The following XKR6 variants were observed in gnomAD, a reference collection of about 807,000 sequenced individuals.
XKR6 encodes XK-related protein 6.
XKR6 carries 22 observed loss-of-function variants against 56.7 expected under a neutral mutation model. That is an observed-to-expected ratio of 0.39 (90% CI 0.28 to 0.55). The LOEUF (loss-of-function observed/expected upper bound fraction) is 0.55, where lower values mean the gene tolerates loss of function less well. Ranked by LOEUF, XKR6 falls within the 20% of genes least tolerant of loss-of-function variation. The pLI is 0.66. For synonymous variants in XKR6, 524 were observed against 387.8 expected (o/e 1.35, Z -4.13); for missense variants, 852 against 889.0 (o/e 0.96, Z 0.53).
intron 1 of XKR6, among the ~76,000 whole-genome samples, chr8:11,050,708 G>C (rs1799525257): frequency 6.6e-6 from 1 of 152,134 alleles, no homozygotes; most frequent in South Asian, 2.1e-4. Context: ...GTTTGGTAGA[G>C]AAGGGCTTCC....
chr8:10,933,171 G>GT (rs1370372806), intron 1 of XKR6, among the ~76,000 whole-genome samples: 1 of 132,304 alleles, frequency 7.6e-6, no homozygotes, highest in Non-Finnish European at 1.6e-5. Flanking sequence ...TTTTTCATGT[G>GT]TTTTTTGGCT....
intron 1 of XKR6, among the ~76,000 whole-genome samples, chr8:10,954,551 T>C (rs150387961): frequency 3.3e-5 from 5 of 152,370 alleles, no homozygotes; most frequent in Admixed American, 6.5e-5. Flanking sequence ...TTATTCTGGA[T>C]ACAAGTCCTT....
chr8:11,014,792 C>T (rs1176170591), intron 1 of XKR6, among the ~76,000 whole-genome samples: 1 of 152,054 alleles, frequency 6.6e-6, no homozygotes, highest in Non-Finnish European at 1.5e-5. Flanking sequence ...CTCAGCATCC[C>T]GCAACATACC....
intron 1 of XKR6, among the ~76,000 whole-genome samples, chr8:10,989,404 C>T (rs994318225): frequency 6.6e-6 from 1 of 152,054 alleles, no homozygotes; most frequent in South Asian, 2.1e-4. Context: ...TTAACTAGCC[C>T]GAAATCACAA....
Position 10,946,909 on chromosome 8 carries a change from G to A in XKR6, c.765-22079C>T, listed in dbSNP as rs1801567473. On this transcript the variant is annotated intron_variant, in intron 1 of 2. Transcript: ENST00000416569. ...GGGGGAGAGTTCACCAAGCAGCTAA[G>A]GGAAAGAGGGTGCTCCAGGTAGACA... 1.3e-5 allele frequency among the ~76,000 whole-genome samples: 2 copies of A among 152,154 alleles called. 1 individual carries two copies. The highest frequency in any genetic ancestry group is 4.1e-4 in the South Asian group (2 of 4,826).
chr8:10,942,378 G>T (rs1486233020), intron 1 of XKR6, among the ~76,000 whole-genome samples: 3 of 152,322 alleles, frequency 2.0e-5, no homozygotes, highest in Non-Finnish European at 1.5e-5. Context: ...TGGACACACA[G>T]TCACATCCGC....
intron 1 of XKR6, among the ~76,000 whole-genome samples, chr8:10,925,453 G>A (rs1800851990): frequency 6.6e-6 from 1 of 152,168 alleles, no homozygotes; most frequent in Non-Finnish European, 1.5e-5. Context: ...CAGGCCACTG[G>A]ACACCCTCCC....
At chr8:11,035,591 G>A (rs1354773427) in intron 1 of XKR6, among the ~76,000 whole-genome samples, 1 of 152,174 alleles carries the variant, frequency 6.6e-6, no homozygotes, top group Non-Finnish European at 1.5e-5. Context: ...GCTGCATCTC[G>A]AAGTTCTCGC....
intron 1 of XKR6, among the ~76,000 whole-genome samples, chr8:11,074,834 C>G (rs1422315998): frequency 6.6e-6 from 1 of 152,218 alleles, no homozygotes; most frequent in Non-Finnish European, 1.5e-5. Context: ...GCTGGAGCAT[C>G]TGTGGGCAGC....
intron 2 of XKR6, among the ~76,000 whole-genome samples, chr8:10,922,287 G>A (rs555131444): frequency 6.6e-6 from 1 of 152,358 alleles, no homozygotes; most frequent in South Asian, 2.1e-4. Flanking sequence ...TCCCTCTCCA[G>A]TGCCAGCAAA....
At chr8:11,185,519 T>A (rs1803228485) in intron 1 of XKR6, among the ~76,000 whole-genome samples, 1 of 152,212 alleles carries the variant, frequency 6.6e-6, no homozygotes. Flanking sequence ...ACGTACAATT[T>A]TTCACATTTT....
At chr8:11,032,048 C>T (rs1051316816) in intron 1 of XKR6, among the ~76,000 whole-genome samples, 2 of 152,192 alleles carry the variant, frequency 1.3e-5, no homozygotes, top group Admixed American at 6.5e-5. Context: ...CAAGACAGGG[C>T]TCCCCCGTGG....
chr8:11,059,790 G>A (rs1007883265), intron 1 of XKR6, among the ~76,000 whole-genome samples: 1 of 151,494 alleles, frequency 6.6e-6, no homozygotes, highest in Admixed American at 6.6e-5. Context: ...GCGCGACCCC[G>A]CTGGAGCGCG....
chr8:10,937,569 A>G, intron 1 of XKR6, among the ~76,000 whole-genome samples: 2 of 147,046 alleles, frequency 1.4e-5, no homozygotes, highest in African/African-American at 2.6e-5. Flanking sequence ...TGATGTACAG[A>G]TGGGTTTTCG....
chr8:11,152,057 C>G (rs1313361830), intron 1 of XKR6, among the ~76,000 whole-genome samples: 2 of 152,098 alleles, frequency 1.3e-5, no homozygotes, highest in Non-Finnish European at 2.9e-5. Context: ...ACAAAGCGGT[C>G]CCTTTTTTCT....
intron 1 of XKR6, among the ~76,000 whole-genome samples, chr8:11,020,305 T>C (rs1320508072): frequency 1.3e-5 from 2 of 152,146 alleles, no homozygotes; most frequent in African/African-American, 4.8e-5. Flanking sequence ...GAAGCACAAG[T>C]CCACTCTCCT....
intron 1 of XKR6, among the ~76,000 whole-genome samples, chr8:11,081,883 A>G (rs1248296352): frequency 1.3e-5 from 2 of 152,188 alleles, no homozygotes; most frequent in Non-Finnish European, 2.9e-5. Flanking sequence ...CAACAAAGGA[A>G]AATGGTCCTT....
At chr8:11,161,993 C>A (rs1801838035) in intron 1 of XKR6, among the ~76,000 whole-genome samples, 1 of 152,096 alleles carries the variant, frequency 6.6e-6, no homozygotes, top group African/African-American at 2.4e-5. Context: ...AGGACCTTTT[C>A]TCATCTCGTC....
At chr8:11,047,000 G>C (rs1586473713) in intron 1 of XKR6, among the ~76,000 whole-genome samples, 1 of 152,080 alleles carries the variant, frequency 6.6e-6, no homozygotes, top group Non-Finnish European at 1.5e-5. Flanking sequence ...GGGGAGAAGG[G>C]AAATGGGGGG....
Sources: gnomAD v4.1 joint callset for allele counts (sites outside exome capture counted in the v4.1 genomes callset) on GRCh38, gnomAD v4.1.1 for gene constraint, MANE v1.5 for transcripts, NCBI Gene and HGNC (gene_info 2026-07-23, HGNC 2026-07-21) for gene names.